The following MYO10 variants were observed in gnomAD, a reference collection of about 807,000 sequenced individuals.
MYO10 encodes unconventional myosin-X.
In MYO10, 133 loss-of-function variants were observed where a neutral mutation model predicts 257.3. The observed-to-expected ratio is 0.52, with a 90% CI of 0.45 to 0.60. The LOEUF is 0.60. Among genes scored for constraint, MYO10 ranks in the 20% least tolerant of loss-of-function variants. The probability of loss-of-function intolerance (pLI) is 0.00; values close to 1 mark genes in which losing one functional copy is unlikely to be tolerated. For missense variants in MYO10, 2,399 were observed against 2,635.7 expected (o/e 0.91, Z 1.97); for synonymous variants, 1,104 against 1,028.6 (o/e 1.07, Z -1.40).
intron 2 of MYO10, among the ~76,000 whole-genome samples, chr5:16,865,522 GA>G: frequency 6.6e-6 from 1 of 152,276 alleles, no homozygotes; most frequent in South Asian, 2.1e-4. Context: ...TATCCAAGAG[GA>G]AAGCAGTTTA....
chr5:16,683,420 A>C (rs1737099938), intron 30 of MYO10, among the ~76,000 whole-genome samples: 1 of 152,204 alleles, frequency 6.6e-6, no homozygotes, highest in South Asian at 2.1e-4. Flanking sequence ...GTGCCAAGAA[A>C]GAAGAAATGT....
In MYO10 at chr5:16,810,347, TTCTCCCA is replaced by T. The variant is rs967654750; in HGVS notation, c.279+7655_279+7661del. On this transcript the variant is annotated intron_variant, in intron 3 of 40. Coordinates refer to ENST00000513610, the MANE Select transcript of MYO10 (RefSeq NM_012334.3). ...TCCCTCCCTACAGTCCCCATGACTT[TTCTCCCA>T]TCTCTACCCTGGTCTAAAACCCTCA... Among the ~76,000 whole-genome samples, 144 of 152,292 alleles carry T rather than the reference TTCTCCCA, an allele frequency of 9.5e-4. 1 individual carries two copies. The highest frequency in any genetic ancestry group is 3.2e-3 in the African/African-American group (134 of 41,562).
intron 1 of MYO10, chr5:16,915,943 C>T (rs192074836): frequency 2.0e-4 from 86 of 424,728 alleles, no homozygotes; most frequent in Admixed American, 4.7e-4. Flanking sequence ...GGCGACAGAG[C>T]GAGACTCTAC....
intron 34 of MYO10, among the ~76,000 whole-genome samples, chr5:16,675,590 T>C (rs1736686618): frequency 6.6e-6 from 1 of 151,898 alleles, no homozygotes; most frequent in Non-Finnish European, 1.5e-5. Context: ...ATTCAAAAAT[T>C]AGCTGGATGT....
chr5:16,823,052 A>G (rs1235106316), intron 2 of MYO10, among the ~76,000 whole-genome samples: 1 of 152,092 alleles, frequency 6.6e-6, no homozygotes, highest in African/African-American at 2.4e-5. Context: ...CTTAAGAGAG[A>G]TTCTTGAACT....
chr5:16,832,372 G>A (rs1205063918), intron 2 of MYO10, among the ~76,000 whole-genome samples: 1 of 151,966 alleles, frequency 6.6e-6, no homozygotes, highest in Non-Finnish European at 1.5e-5. Context: ...AAATATAAGG[G>A]GTTTAATACA....
At chr5:16,918,209 G>A (rs1745878598) in intron 1 of MYO10, among the ~76,000 whole-genome samples, 1 of 152,194 alleles carries the variant, frequency 6.6e-6, no homozygotes, top group African/African-American at 2.4e-5. Flanking sequence ...TAAGGAAGAT[G>A]TGAAGAGTCC....
intron 1 of MYO10, among the ~76,000 whole-genome samples, chr5:16,934,751 TAC>T (rs1393457779): frequency 6.6e-6 from 1 of 152,218 alleles, no homozygotes; most frequent in African/African-American, 2.4e-5. Flanking sequence ...TGTCTGAGAA[TAC>T]AGTCAGTGAG....
At chr5:16,899,956 G>A (rs1257879388) in intron 1 of MYO10, among the ~76,000 whole-genome samples, 1 of 129,736 alleles carries the variant, frequency 7.7e-6, no homozygotes, top group East Asian at 2.4e-4. Context: ...AGAGATCGCA[G>A]CACTGCGCTC....
At chr5:16,728,581 C>T (rs927216767) in intron 19 of MYO10, among the ~76,000 whole-genome samples, 2 of 151,842 alleles carry the variant, frequency 1.3e-5, no homozygotes, top group African/African-American at 4.8e-5. Context: ...TATAATGACA[C>T]CTAATATTTA....
intron 21 of MYO10, among the ~76,000 whole-genome samples, chr5:16,708,496 A>G (rs1579874430): frequency 6.6e-6 from 1 of 152,174 alleles, no homozygotes; most frequent in Admixed American, 6.5e-5. Context: ...GGCTGGGTTG[A>G]GTTTTAATGA....
intron 19 of MYO10, among the ~76,000 whole-genome samples, chr5:16,718,976 G>T: frequency 6.6e-6 from 1 of 152,208 alleles, no homozygotes; most frequent in Non-Finnish European, 1.5e-5. Context: ...CAGGATGTGG[G>T]TGGGGCCAGA....
intron 17 of MYO10, among the ~76,000 whole-genome samples, chr5:16,759,415 G>C (rs771330222): frequency 1.3e-5 from 2 of 151,962 alleles, no homozygotes; most frequent in Non-Finnish European, 2.9e-5. Context: ...TTTTGTTCTC[G>C]GGTGCTCTTT....
chr5:16,781,599 C>T (rs1351978790), intron 6 of MYO10, 106 bp downstream of exon 6: 2 of 1,198,950 alleles, frequency 1.7e-6, no homozygotes, highest in African/African-American at 3.1e-5. Flanking sequence ...GTTAAAGAAC[C>T]AGAGAAAGAA....
Position 16,903,342 on chromosome 5 carries a change from T to C in MYO10, c.22-25635A>G, listed in dbSNP as rs776143021. Among the ~76,000 whole-genome samples, 21 of 152,012 alleles carry C rather than the reference T, an allele frequency of 1.4e-4. 1 individual carries two copies. Among genetic ancestry groups the C allele is most frequent in the South Asian group, 4.1e-4 (2 of 4,828 alleles). On this transcript the variant is annotated intron_variant, in intron 1 of 40. Transcript: ENST00000513610. ...ATCACTTGAACCTGGGAGGCGGAGG[T>C]TGCATGCAGCGAGCTGAGATCGTGC...
At chr5:16,708,406 C>T (rs550541299) in intron 21 of MYO10, among the ~76,000 whole-genome samples, 29 of 152,300 alleles carry the variant, frequency 1.9e-4, no homozygotes, top group African/African-American at 7.0e-4. Context: ...ACGTCCCAAG[C>T]CTGCCTTGGG....
intron 10 of MYO10, among the ~76,000 whole-genome samples, 189 bp downstream of exon 10, chr5:16,768,885 A>G (rs541179449): frequency 6.6e-6 from 1 of 152,044 alleles, no homozygotes; most frequent in Non-Finnish European, 1.5e-5. Context: ...CACATTGCCC[A>G]GGCTGGTCTC....
In MYO10 at chr5:16,666,794, C is replaced by T; in HGVS notation, c.6076-1G>A. On this transcript the variant is annotated splice_acceptor_variant, in intron 40 of 40. Transcript: ENST00000513610. LOFTEE classifies it high-confidence loss of function. ...TCATGAGCTTGGCCACATCCACCAC[C>T]TGCCCAGGGGGAAGCAGAACCGACA... The T allele has an allele frequency of 1.3e-6, 2 of 1,596,698 alleles. No homozygotes were observed. The highest frequency in any genetic ancestry group is 1.7e-6 in the Non-Finnish European group (2 of 1,173,138).
At chr5:16,873,580 C>A (rs1744507442) in intron 2 of MYO10, among the ~76,000 whole-genome samples, 1 of 152,246 alleles carries the variant, frequency 6.6e-6, no homozygotes, top group Non-Finnish European at 1.5e-5. Flanking sequence ...TTCCACACTG[C>A]CCTAGCAAAG....
Sources: gnomAD v4.1 joint callset for allele counts (sites outside exome capture counted in the v4.1 genomes callset) on GRCh38, gnomAD v4.1.1 for gene constraint, MANE v1.5 for transcripts, NCBI Gene and HGNC (gene_info 2026-07-23, HGNC 2026-07-21) for gene names.